DYNLT2: variants seen among roughly 807,000 people sequenced by gnomAD.
DYNLT2 encodes the protein dynein light chain Tctex-type protein 2.
In DYNLT2, 24 loss-of-function variants were observed where a neutral mutation model predicts 24.3. The ratio of observed to expected loss-of-function variants is 0.99; its 90% confidence interval spans 0.71 to 1.39. The LOEUF (loss-of-function observed/expected upper bound fraction) is 1.39. Among genes scored for constraint, DYNLT2 ranks in the 40% most tolerant of loss-of-function variants. The probability of loss-of-function intolerance (pLI) is 0.00; values close to 1 mark genes in which losing one functional copy is unlikely to be tolerated. For synonymous variants in DYNLT2, 85 were observed against 85.4 expected (o/e 1.00, Z 0.03); for missense variants, 246 against 234.5 (o/e 1.05, Z -0.32).
intron 1 of DYNLT2, among the ~76,000 whole-genome samples, chr6:169,747,579 A>T (rs12529402): frequency 0.18 from 27,432 of 151,994 alleles, 3,049 homozygotes; most frequent in African/African-American, 0.3. Context: ...GTGTATTTTC[A>T]TCCCTGACAT....
At chr6:169,734,190 T>C in the DYNLT2 span, among the ~76,000 whole-genome samples, 2 of 152,200 alleles carry the variant, frequency 1.3e-5, no homozygotes, top group Non-Finnish European at 2.9e-5. Flanking sequence ...GGGGCTGAGA[T>C]GATGTGGTTT....
chr6:169,733,342 TG>T, the DYNLT2 span, among the ~76,000 whole-genome samples: 2 of 152,334 alleles, frequency 1.3e-5, no homozygotes, highest in East Asian at 3.9e-4. Context: ...TTGGCATTTT[TG>T]TCATGAAGTC....
At chr6:169,735,251 A>AT (rs1239999754), downstream of DYNLT2, among the ~76,000 whole-genome samples, 1 of 151,448 alleles carries the variant, frequency 6.6e-6, no homozygotes, top group African/African-American at 2.4e-5. Context: ...GGATTCATGG[A>AT]TTTTTTGGAG....
chr6:169,733,988 A>T, the DYNLT2 span, among the ~76,000 whole-genome samples: 13 of 152,060 alleles, frequency 8.5e-5, no homozygotes, highest in African/African-American at 3.1e-4. Flanking sequence ...GTTCTTGAAG[A>T]GGTGCTTCAC....
chr6:169,725,431 A>G, the DYNLT2 span: 8 of 397,684 alleles, frequency 2.0e-5, no homozygotes, highest in Non-Finnish European at 8.8e-6. Flanking sequence ...CTCAGGTCAG[A>G]GAGGTCACCA....
intron 3 of DYNLT2, among the ~76,000 whole-genome samples, chr6:169,741,587 A>T (rs964489346): frequency 2.0e-5 from 3 of 152,168 alleles, no homozygotes; most frequent in Non-Finnish European, 4.4e-5. Flanking sequence ...AAGCTGAAAC[A>T]TTCCCCCACT....
chr6:169,749,582 C>G (rs1789896790), intron 1 of DYNLT2: 1 of 152,212 alleles, frequency 6.6e-6, no homozygotes, highest in Admixed American at 6.5e-5. Flanking sequence ...GAACCAGATT[C>G]AGAAAGACAC....
chr6:169,729,914 A>G, the DYNLT2 span, among the ~76,000 whole-genome samples: 1 of 152,136 alleles, frequency 6.6e-6, no homozygotes, highest in Non-Finnish European at 1.5e-5. Flanking sequence ...TCAATAAAAA[A>G]TATTTGTTTA....
chr6:169,751,472 C>A lies in DYNLT2; in HGVS notation c.-14G>T, dbSNP rs774429481. 4 of 1,612,802 alleles carry A rather than the reference C, an allele frequency of 2.5e-6. No homozygotes were observed. The African/African-American group carries it at 5.3e-5, about 22-fold the overall frequency. On this transcript the variant is annotated 5_prime_UTR_variant, in exon 1 of 4. Transcript: ENST00000366774. The stretch of plus-strand genomic sequence containing the variant: ...TCGCTTCTCCATCTCGCTCTGTTCT[C>A]CAAGACGCCCACCGCCTCCCCTTCA...
chr6:169,751,356 T>G lies in DYNLT2; in HGVS notation c.103A>C (p.Met35Leu), dbSNP rs770448231. 6.2e-7 allele frequency: 1 copy of G among 1,614,066 alleles called. No individual in the cohort carries two copies. Among genetic ancestry groups the G allele is most frequent in the Non-Finnish European group, 8.5e-7 (1 of 1,179,994 alleles). ...GCACTCACTGCCTCCTTCTCGAACA[T>G]GCTAGGCCTCCTTTCTTTCCTAGGC... ...VTPRKERRPS[M>L]FEKEAYTQIL... Residue 35 changes from methionine to leucine, a missense_variant, in exon 1 of 4, where the codon ATG becomes CTG. Physicochemically the swap from Met to Leu is conservative, Grantham distance 15. Transcript: ENST00000366774.
the DYNLT2 span, among the ~76,000 whole-genome samples, chr6:169,726,053 A>C: frequency 6.6e-6 from 1 of 152,228 alleles, no homozygotes; most frequent in South Asian, 2.1e-4. Context: ...CATATTCTAC[A>C]TTGCAATGCC....
At position 169,751,442 on chromosome 6, in the gene DYNLT2, C is replaced by G; in HGVS notation, c.17G>C (p.Arg6Pro). The change falls in exon 1 of 4, where the codon CGA (arginine) becomes CCA (proline). Residue 6 changes from arginine to proline, a missense_variant. Transcript: ENST00000366774. Reference protein sequence around the residue: MEKRGRGVKSSPIQTP... With the variant: MEKRGPGVKSSPIQTP... ...CTGGATGGGGCTCGACTTCACGCCT[C>G]GGCCTCGCTTCTCCATCTCGCTCTG... is the stretch of plus-strand genomic sequence containing the variant. 6.2e-7 allele frequency: 1 copy of G among 1,614,064 alleles called. No individual in the cohort carries two copies. The highest frequency in any genetic ancestry group is 8.5e-7 in the Non-Finnish European group (1 of 1,180,012).
chr6:169,743,848 A>T (rs1216939115), intron 2 of DYNLT2, among the ~76,000 whole-genome samples: 1 of 152,192 alleles, frequency 6.6e-6, no homozygotes, highest in East Asian at 1.9e-4. Flanking sequence ...ACTATAAAGC[A>T]TTACTCTTAC....
intron 1 of DYNLT2, among the ~76,000 whole-genome samples, chr6:169,747,896 C>A (rs1789845780): frequency 6.6e-6 from 1 of 152,108 alleles, no homozygotes; most frequent in South Asian, 2.1e-4. Flanking sequence ...ATTCCTAAGA[C>A]TCTTGAGCTT....
At chr6:169,727,616 T>A in the DYNLT2 span, among the ~76,000 whole-genome samples, 2 of 151,990 alleles carry the variant, frequency 1.3e-5, no homozygotes, top group Non-Finnish European at 2.9e-5. Context: ...CAGGTTGGAG[T>A]GCAGTGGCCT....
chr6:169,732,886 T>C, the DYNLT2 span, among the ~76,000 whole-genome samples: 1 of 152,204 alleles, frequency 6.6e-6, no homozygotes, highest in Admixed American at 6.5e-5. Flanking sequence ...GTTGAACTAA[T>C]TTACATTCTC....
At chr6:169,736,142 GTTTT>G (rs59505534), downstream of DYNLT2, among the ~76,000 whole-genome samples, 2 of 142,978 alleles carry the variant, frequency 1.4e-5, no homozygotes, top group Non-Finnish European at 1.5e-5. Flanking sequence ...TTTTTTGTTT[GTTTT>G]TTTTTTTGCT....
intron 1 of DYNLT2, among the ~76,000 whole-genome samples, chr6:169,748,129 C>G (rs1789853034): frequency 6.6e-6 from 1 of 152,130 alleles, no homozygotes; most frequent in Non-Finnish European, 1.5e-5. Flanking sequence ...GTGATTCTTT[C>G]TCCACCTCCA....
At chr6:169,726,827 CTTACTGT>C in the DYNLT2 span, among the ~76,000 whole-genome samples, 1 of 152,146 alleles carries the variant, frequency 6.6e-6, no homozygotes, top group South Asian at 2.1e-4. Flanking sequence ...AAATGAATGC[CTTACTGT>C]TTACTAAGTT....
Sources: allele counts gnomAD v4.1 joint callset (sites outside exome capture counted in the v4.1 genomes callset), GRCh38; gene constraint gnomAD v4.1.1; transcripts MANE v1.5; gene names NCBI Gene and HGNC (gene_info 2026-07-23, HGNC 2026-07-21).